Variants in ATXN10 observed in about 807,000 individuals in gnomAD.
ATXN10 encodes ataxin-10.
A neutral mutation model predicts 52.9 loss-of-function variants in ATXN10; 28 were observed. That is an observed-to-expected ratio of 0.53 (90% confidence interval 0.39 to 0.73). The LOEUF (loss-of-function observed/expected upper bound fraction) is 0.73, where lower values mean the gene tolerates loss of function less well. Among genes scored for constraint, ATXN10 ranks in the 30% least tolerant of loss-of-function variants. The probability of loss-of-function intolerance (pLI) is 0.00; values close to 1 mark genes in which losing one functional copy is unlikely to be tolerated. For missense variants in ATXN10, 565 were observed against 577.0 expected (o/e 0.98, Z 0.21); for synonymous variants, 226 against 221.5 (o/e 1.02, Z -0.18).
intron 6 of ATXN10, among the ~76,000 whole-genome samples, chr22:45,723,816 C>T (rs1373173317): frequency 6.6e-6 from 1 of 151,912 alleles, no homozygotes; most frequent in Non-Finnish European, 1.5e-5. Flanking sequence ...ATTAGCCAGG[C>T]GTGGTGGCGC....
chr22:45,749,286 T>G (rs1925853922), intron 9 of ATXN10, among the ~76,000 whole-genome samples: 1 of 152,132 alleles, frequency 6.6e-6, no homozygotes, highest in African/African-American at 2.4e-5. Context: ...GCTTTACTGG[T>G]GAGTCAAGCG....
Position 45,760,576 on chromosome 22 carries a change from T to C in ATXN10, c.1173+20038T>C, listed in dbSNP as rs1926349778. Reference sequence around the variant, plus strand: ...CTTGATCAGAAGCTAGGAAGGCTTCTGATCAAGATTTGTGGTGTCAAGAAT... The same window carrying C: ...CTTGATCAGAAGCTAGGAAGGCTTCCGATCAAGATTTGTGGTGTCAAGAAT... On this transcript the variant is annotated intron_variant, in intron 9 of 11. Transcript: ENST00000252934. 9 of 154,080 alleles carry C rather than the reference T, an allele frequency of 5.8e-5. 1 individual carries two copies. The Admixed American group carries it at 5.9e-4, about 10-fold the overall frequency. The allele number at this position is 154,080 out of a possible 1,614,324, so 9.5% of individuals were successfully genotyped here. A position where few individuals can be genotyped will look rare whatever the true frequency, so the allele number is the denominator to read the frequency against.
At position 45,820,877 on chromosome 22, in the gene ATXN10, C is replaced by T. The variant is rs370361081; in HGVS notation, c.1237+13855C>T. 6.6e-6 allele frequency among the ~76,000 whole-genome samples: 1 copy of T among 152,138 alleles called. No homozygotes were observed. The highest frequency in any genetic ancestry group is 2.4e-5 in the African/African-American group (1 of 41,430). ...AACAGGCCCTGTGCTGTGAAAGAGC[C>T]TCAGTGGTGGACAGAAGCCAGGGAA... On this transcript the variant is annotated intron_variant, in intron 10 of 11. Transcript: ENST00000252934. The surrounding 1 kb of genome is among the most constrained non-coding windows in gnomAD (Gnocchi z 4.9).
At chr22:45,735,008 C>T (rs1222630474) in intron 7 of ATXN10, among the ~76,000 whole-genome samples, 1 of 151,752 alleles carries the variant, frequency 6.6e-6, no homozygotes, top group Non-Finnish European at 1.5e-5. Flanking sequence ...CCTCAGCCTC[C>T]TGTGTAGCTG....
intron 5 of ATXN10, among the ~76,000 whole-genome samples, chr22:45,711,548 G>A (rs545045572): frequency 1.6e-4 from 25 of 152,214 alleles, no homozygotes; most frequent in Non-Finnish European, 2.9e-4. Flanking sequence ...AGTAAGATCC[G>A]CACATCGTGT....
chr22:45,710,523 CTTGTTTA>C (rs1357533516), intron 5 of ATXN10, among the ~76,000 whole-genome samples: 1 of 152,156 alleles, frequency 6.6e-6, no homozygotes, highest in East Asian at 1.9e-4. Flanking sequence ...TATTTGCTTT[CTTGTTTA>C]TTGTTGGTTG....
chr22:45,778,828 A>G (rs535211429), intron 9 of ATXN10, among the ~76,000 whole-genome samples: 6 of 152,312 alleles, frequency 3.9e-5, no homozygotes, highest in South Asian at 2.1e-4. Flanking sequence ...AATTAATACT[A>G]GTTTCTTTGT....
chr22:45,730,330 T>G (rs1193017671), intron 7 of ATXN10, among the ~76,000 whole-genome samples: 4 of 139,034 alleles, frequency 2.9e-5, no homozygotes, highest in Non-Finnish European at 6.1e-5. Flanking sequence ...GGTGATGCAG[T>G]GAGACCCTTG....
At chr22:45,738,957 T>C in intron 8 of ATXN10, 118 bp downstream of exon 8, 1 of 967,468 alleles carries the variant, frequency 1.0e-6, no homozygotes, top group Non-Finnish European at 1.6e-6. Context: ...TTTGTGAATA[T>C]ATTTTTTTGA....
chr22:45,781,634 C>G lies in ATXN10; in HGVS notation c.1174-25325C>G, dbSNP rs1927153439. 6.6e-6 allele frequency among the ~76,000 whole-genome samples: 1 copy of G among 152,098 alleles called. No individual in the cohort carries two copies. Among genetic ancestry groups the G allele is most frequent in the Admixed American group, 6.5e-5 (1 of 15,268 alleles). Reference sequence around the variant, plus strand: ...AGTGAGCAAAGGCAGTCAACAGATGCCAATACCAAGATGATGACATGGATG... The same window carrying G: ...AGTGAGCAAAGGCAGTCAACAGATGGCAATACCAAGATGATGACATGGATG... On this transcript the variant is annotated intron_variant, in intron 9 of 11. Coordinates refer to ENST00000252934, the MANE Select transcript of ATXN10 (RefSeq NM_013236.4). The surrounding 1 kb of genome is among the most constrained non-coding windows in gnomAD (Gnocchi z 4.2).
At chr22:45,830,751 T>TTAC (rs1428326678) in intron 10 of ATXN10, among the ~76,000 whole-genome samples, 1 of 150,874 alleles carries the variant, frequency 6.6e-6, no homozygotes, top group Non-Finnish European at 1.5e-5. Flanking sequence ...CTCCCATGCA[T>TTAC]TACTGATGGG....
At position 45,841,350 on chromosome 22, in the gene ATXN10, C is replaced by T. The variant is rs34402219; in HGVS notation, c.1238-1641C>T. On this transcript the variant is annotated intron_variant, in intron 10 of 11. Transcript: ENST00000252934. The surrounding 1 kb of genome is among the most constrained non-coding windows in gnomAD (Gnocchi z 5.1). ...ATCTGGAAAAGGTCAGTCATTTATA[C>T]CCACCAGTGGTTTTGATGCTAAACC... Among the ~76,000 whole-genome samples, 1 of 152,198 alleles carries T rather than the reference C, an allele frequency of 6.6e-6. No homozygotes were observed. The highest frequency in any genetic ancestry group is 2.4e-5 in the African/African-American group (1 of 41,440).
Position 45,690,990 on chromosome 22 carries a change from C to T in ATXN10, c.308+1087C>T, listed in dbSNP as rs997016232. On this transcript the variant is annotated intron_variant, in intron 2 of 11. Transcript: ENST00000252934. This position sits in a 1 kb window ranked among gnomAD's most constrained non-coding sequence, Gnocchi z 4.5. The stretch of plus-strand genomic sequence containing the variant: ...CAGAAGCCACTTGAGGGACTCCCTT[C>T]GGTTAGACACATATACCCGAGGCTT... Among the ~76,000 whole-genome samples the T allele has an allele frequency of 7.2e-5, 11 of 152,120 alleles. No individual in the cohort carries two copies. Among genetic ancestry groups the T allele is most frequent in the Non-Finnish European group, 1.5e-4 (10 of 68,026 alleles).
rs894129013 is a variant in ATXN10 at position 45,843,788 on chromosome 22, A to C, written c.*117A>C. On this transcript the variant is annotated 3_prime_UTR_variant, in exon 12 of 12. Transcript: ENST00000252934. The surrounding 1 kb of genome is among the most constrained non-coding windows in gnomAD (Gnocchi z 4.5). ...TATAAGTACAAATTTGGGAACATAC[A>C]AATCTTTTAGGTAGTAGAGTTTAAC... The C allele has an allele frequency of 3.9e-6, 4 of 1,027,134 alleles. No individual in the cohort carries two copies. The highest frequency in any genetic ancestry group is 6.0e-6 in the Non-Finnish European group (4 of 672,194). The allele number at this position is 1,027,134 out of a possible 1,614,324, so 63.6% of individuals were successfully genotyped here. A position where few individuals can be genotyped will look rare whatever the true frequency, so the allele number is the denominator to read the frequency against.
chr22:45,737,872 T>C (rs975969182), intron 7 of ATXN10, among the ~76,000 whole-genome samples: 4 of 151,836 alleles, frequency 2.6e-5, no homozygotes, highest in Non-Finnish European at 5.9e-5. Context: ...CTAATTTTTA[T>C]ATTTTTTTTT....
rs536968914 is a variant in ATXN10 at position 45,747,201 on chromosome 22, G to A, written c.1173+6663G>A. Among the ~76,000 whole-genome samples the A allele has an allele frequency of 3.3e-5, 5 of 152,194 alleles. No individual in the cohort carries two copies. In the South Asian group the frequency reaches 8.3e-4, roughly 25 times the overall value. ...GTCTAATTGGGGAATTCCAGGCAGG[G>A]TATTGAAAATGTCTGGGGGGCCGGG... On this transcript the variant is annotated intron_variant, in intron 9 of 11. Transcript: ENST00000252934.
Position 45,688,544 on chromosome 22 carries a change from T to C in ATXN10, c.117-1168T>C, listed in dbSNP as rs1241157730. Reference sequence around the variant, plus strand: ...AGATAAAAACACACATCACTTGGTGTATAAGAAGCCATGGTACTGAAGTTC... The same window carrying C: ...AGATAAAAACACACATCACTTGGTGCATAAGAAGCCATGGTACTGAAGTTC... On this transcript the variant is annotated intron_variant, in intron 1 of 11. Transcript: ENST00000252934. The surrounding 1 kb of genome is among the most constrained non-coding windows in gnomAD (Gnocchi z 4.0). Among the ~76,000 whole-genome samples, 1 of 152,206 alleles carries C rather than the reference T, an allele frequency of 6.6e-6. No individual in the cohort carries two copies. Among genetic ancestry groups the C allele is most frequent in the East Asian group, 1.9e-4 (1 of 5,198 alleles).
At chr22:45,706,348 A>G (rs1924041361) in intron 5 of ATXN10, among the ~76,000 whole-genome samples, 1 of 151,998 alleles carries the variant, frequency 6.6e-6, no homozygotes, top group Non-Finnish European at 1.5e-5. Context: ...CTTTTCGGAG[A>G]ACCAACTTTT....
intron 9 of ATXN10, among the ~76,000 whole-genome samples, chr22:45,804,460 A>G (rs1276432696): frequency 6.6e-6 from 1 of 152,202 alleles, no homozygotes; most frequent in African/African-American, 2.4e-5. Context: ...TTTGTAAAAT[A>G]AGGATCGTTA....
Sources: allele counts gnomAD v4.1 joint callset (sites outside exome capture counted in the v4.1 genomes callset), GRCh38; gene constraint gnomAD v4.1.1; non-coding constraint Gnocchi (gnomAD v3.1); transcripts MANE v1.5; gene names NCBI Gene and HGNC (gene_info 2026-07-23, HGNC 2026-07-21).